Variants in ADAMTSL1 observed in about 807,000 individuals in gnomAD.
ADAMTSL1 encodes ADAMTS-like protein 1.
ADAMTSL1 carries 126 observed loss-of-function variants against 201.8 expected under a neutral mutation model. The ratio of observed to expected loss-of-function variants is 0.62; its 90% CI spans 0.54 to 0.72. The LOEUF is 0.72. Among genes scored for constraint, ADAMTSL1 ranks in the 30% least tolerant of loss-of-function variants. The probability of loss-of-function intolerance (pLI) is 0.00; values close to 1 mark genes in which losing one functional copy is unlikely to be tolerated. For synonymous variants in ADAMTSL1, 1,121 were observed against 903.4 expected (o/e 1.24, Z -4.32); for missense variants, 2,679 against 2,277.8 (o/e 1.18, Z -3.59).
intron 23 of ADAMTSL1, among the ~76,000 whole-genome samples, chr9:18,879,456 A>G (rs2131501101): frequency 6.6e-6 from 1 of 152,312 alleles, no homozygotes; most frequent in Middle Eastern, 3.4e-3. Flanking sequence ...TACATCCTCA[A>G]GATACTTTAC....
At chr9:18,763,727 T>C (rs1358448735) in intron 16 of ADAMTSL1, among the ~76,000 whole-genome samples, 2 of 152,208 alleles carry the variant, frequency 1.3e-5, no homozygotes, top group Non-Finnish European at 2.9e-5. Context: ...CCAAGCACCA[T>C]TCATTGAAGA....
At chr9:18,358,249 T>A (rs1197433382) in intron 2 of ADAMTSL1, among the ~76,000 whole-genome samples, 1 of 152,208 alleles carries the variant, frequency 6.6e-6, no homozygotes, top group Non-Finnish European at 1.5e-5. Flanking sequence ...TCAGATCTAT[T>A]TCCCCACATA....
intron 1 of ADAMTSL1, among the ~76,000 whole-genome samples, chr9:18,501,372 G>A (rs996503561): frequency 5.3e-5 from 8 of 151,880 alleles, no homozygotes; most frequent in East Asian, 3.9e-4. Flanking sequence ...TTAGCCGGGC[G>A]TGCCGACAAG....
intron 2 of ADAMTSL1, among the ~76,000 whole-genome samples, chr9:18,296,495 A>G (rs1424787684): frequency 6.6e-6 from 1 of 152,158 alleles, no homozygotes; most frequent in Non-Finnish European, 1.5e-5. Context: ...AGTTCAGCAA[A>G]AGTAAACAAT....
chr9:18,238,338 A>T (rs942504529), intron 2 of ADAMTSL1, among the ~76,000 whole-genome samples: 3 of 152,096 alleles, frequency 2.0e-5, no homozygotes, highest in African/African-American at 7.2e-5. Flanking sequence ...TGAGTAAGTG[A>T]CTCATCTGTA....
chr9:18,040,685 T>G (rs2131633198), intron 1 of ADAMTSL1, among the ~76,000 whole-genome samples: 1 of 152,302 alleles, frequency 6.6e-6, no homozygotes, highest in Non-Finnish European at 1.5e-5. Flanking sequence ...TTTCAGTTAC[T>G]GGAGAAAGCT....
chr9:18,123,163 G>C (rs1033741055), intron 1 of ADAMTSL1, among the ~76,000 whole-genome samples: 4 of 152,072 alleles, frequency 2.6e-5, no homozygotes, highest in African/African-American at 9.7e-5. Context: ...CTGGCTTCAG[G>C]TATTAGAATT....
chr9:18,223,737 C>G (rs2132372368), intron 2 of ADAMTSL1, among the ~76,000 whole-genome samples: 1 of 152,096 alleles, frequency 6.6e-6, no homozygotes, highest in South Asian at 2.1e-4. Context: ...TGCAATGTAT[C>G]TATCTTTAAT....
intron 1 of ADAMTSL1, among the ~76,000 whole-genome samples, chr9:18,009,945 A>G (rs1305345814): frequency 6.6e-6 from 1 of 152,032 alleles, no homozygotes; most frequent in Non-Finnish European, 1.5e-5. Context: ...GACAGATACT[A>G]TAAACATTTC....
intron 2 of ADAMTSL1, among the ~76,000 whole-genome samples, chr9:18,209,739 C>A (rs1027851842): frequency 2.6e-5 from 4 of 152,152 alleles, no homozygotes; most frequent in African/African-American, 9.6e-5. Context: ...GTAACACTTA[C>A]TTCTCTCCTG....
At chr9:18,886,259 C>G (rs1442061119) in intron 23 of ADAMTSL1, among the ~76,000 whole-genome samples, 1 of 147,862 alleles carries the variant, frequency 6.8e-6, no homozygotes, top group Non-Finnish European at 1.5e-5. Flanking sequence ...TACATACACA[C>G]ACACAGAAAT....
intron 1 of ADAMTSL1, among the ~76,000 whole-genome samples, chr9:18,500,264 C>T (rs1822764559): frequency 2.6e-5 from 4 of 152,174 alleles, no homozygotes; most frequent in Admixed American, 6.5e-5. Flanking sequence ...ATGTAAACCA[C>T]GTTTAGATAA....
At chr9:17,966,181 C>T (rs1588490415) in intron 1 of ADAMTSL1, among the ~76,000 whole-genome samples, 1 of 151,992 alleles carries the variant, frequency 6.6e-6, no homozygotes, top group Admixed American at 6.6e-5. Context: ...TCAATGAATA[C>T]CTGAAGGCAC....
rs187193120 is a variant in ADAMTSL1 at position 17,974,520 on chromosome 9, A to G, written c.87+67598A>G. Among the ~76,000 whole-genome samples the G allele has an allele frequency of 4.9e-4, 75 of 151,950 alleles. No homozygotes were observed. In the East Asian group the frequency reaches 0.013, roughly 26 times the overall value. ...GTACCTTTTGACCAACATCTCCCCA[A>G]TGTTCCCACCCCTCAGCCCCTGGCA... On this transcript the variant is annotated intron_variant, in intron 1 of 29. Coordinates refer to the ADAMTSL1 transcript ENST00000680146.
At chr9:18,718,600 G>A in intron 14 of ADAMTSL1, 1 of 398,194 alleles carries the variant, frequency 2.5e-6, no homozygotes, top group Non-Finnish European at 4.9e-6. Flanking sequence ...ACTCCCTCCG[G>A]GTTGCTACTC....
At chr9:18,293,340 T>TA (rs1833346264) in intron 2 of ADAMTSL1, among the ~76,000 whole-genome samples, 1 of 152,262 alleles carries the variant, frequency 6.6e-6, no homozygotes, top group Non-Finnish European at 1.5e-5. Context: ...TTTAATAAAT[T>TA]AAGCTGCCAG....
In ADAMTSL1 at chr9:18,777,719, C is replaced by T; in HGVS notation, c.3490C>T (p.Pro1164Ser). The change falls in exon 19 of 29, where the codon CCC (proline) becomes TCC (serine). Residue 1164 changes from proline (P) to serine (S), a missense_variant. Pro to Ser is a moderately conservative substitution (Grantham distance 74, BLOSUM62 -1). Coordinates refer to ENST00000380548, the MANE Select transcript of ADAMTSL1 (RefSeq NM_001040272.6). ...GGGSRRPHRK[P>S]TILRKISAAQ... ...AGGCTCTCGAAGGCCACACCGCAAGCCCACCATCCTGCGCAAGATCTCAGC... is the reference window on the plus strand; with the variant it reads ...AGGCTCTCGAAGGCCACACCGCAAGTCCACCATCCTGCGCAAGATCTCAGC... The T allele has an allele frequency of 6.2e-7, 1 of 1,613,518 alleles. No homozygotes were observed. Among genetic ancestry groups the T allele is most frequent in the Non-Finnish European group, 8.5e-7 (1 of 1,179,730 alleles).
chr9:18,033,873 A>G (rs1171434674), intron 1 of ADAMTSL1, among the ~76,000 whole-genome samples: 1 of 152,174 alleles, frequency 6.6e-6, no homozygotes, highest in Non-Finnish European at 1.5e-5. Context: ...GTAGATGTCC[A>G]GTATATTTTT....
chr9:18,128,415 C>T (rs998358945), intron 1 of ADAMTSL1, among the ~76,000 whole-genome samples: 8 of 152,088 alleles, frequency 5.3e-5, no homozygotes, highest in Admixed American at 1.3e-4. Flanking sequence ...CAGGCTGCAG[C>T]GTAGTGGTGC....
Sources: allele counts gnomAD v4.1 joint callset (sites outside exome capture counted in the v4.1 genomes callset), GRCh38; gene constraint gnomAD v4.1.1; transcripts MANE v1.5; gene names NCBI Gene and HGNC (gene_info 2026-07-23, HGNC 2026-07-21).